The following AHSA1 variants were observed in gnomAD, a reference collection of about 807,000 sequenced individuals.
AHSA1 encodes the protein activator of HSP90 ATPase activity 1.
AHSA1 carries 14 observed loss-of-function variants against 46.1 expected under a neutral mutation model. That is an observed-to-expected ratio of 0.30 (90% confidence interval 0.20 to 0.47). AHSA1 has a LOEUF of 0.47. AHSA1 is among the 20% of genes least tolerant of loss of function. AHSA1 has a pLI of 0.99. For missense variants in AHSA1, 333 were observed against 415.9 expected, an observed-to-expected ratio of 0.80 and a Z score of 1.73; for synonymous variants, 147 against 145.8, an observed-to-expected ratio of 1.01 and a Z score of -0.06.
At chr14:77,468,665 C>T (rs553853405) in intron 8 of AHSA1, 157 bp downstream of exon 8, 9 of 647,874 alleles carry the variant, frequency 1.4e-5, no homozygotes, top group African/African-American at 5.8e-5. Flanking sequence ...CAGACCCAAA[C>T]GATCCTCCTG....
chr14:77,463,487 G>A (rs1285023512), intron 4 of AHSA1, among the ~76,000 whole-genome samples: 2 of 151,330 alleles, frequency 1.3e-5, no homozygotes, highest in Non-Finnish European at 2.9e-5. Flanking sequence ...TCAAGAGGCT[G>A]AGGCAGGAGA....
intron 4 of AHSA1, 155 bp downstream of exon 4, chr14:77,462,914 A>C: frequency 1.6e-6 from 1 of 641,264 alleles, no homozygotes; most frequent in Non-Finnish European, 2.8e-6. Context: ...GCTCGGAGTA[A>C]GGGAAAGATC....
Position 77,462,769 on chromosome 14 carries a change from G to C in AHSA1, c.472+10G>C. 1.9e-6 allele frequency: 3 copies of C among 1,609,388 alleles called. No individual in the cohort carries two copies. Among genetic ancestry groups the C allele is most frequent in the Non-Finnish European group, 2.6e-6 (3 of 1,175,820 alleles). On this transcript the variant is annotated intron_variant, in intron 4 of 8. Coordinates refer to ENST00000216479, the MANE Select transcript of AHSA1 (RefSeq NM_012111.3). ...AGCACCCTCAAAACAGGTATCCCTT[G>C]AGTAGTTCTGTATGCCTTAAGGAGG...
At chr14:77,468,036 A>T (rs1594941397) in intron 6 of AHSA1, 47 bp from the exon 7 acceptor site, 1 of 1,318,132 alleles carries the variant, frequency 7.6e-7, no homozygotes, top group Non-Finnish European at 1.0e-6. Context: ...ACTGAAAGCC[A>T]TGTATCTTCT....
At chr14:77,462,421 CT>C in intron 3 of AHSA1, 179 bp downstream of exon 3, 1 of 719,740 alleles carries the variant, frequency 1.4e-6, no homozygotes, top group Non-Finnish European at 2.3e-6. Flanking sequence ...ATTTGCACTT[CT>C]TTAATTTCTT....
chr14:77,460,028 A>G, intron 2 of AHSA1: 1 of 567,362 alleles, frequency 1.8e-6, no homozygotes, highest in Non-Finnish European at 3.1e-6. Flanking sequence ...CCATCCATGA[A>G]GTGGCCGGGC....
In AHSA1 at chr14:77,465,572, C is replaced by T. The variant is rs147029283; in HGVS notation, c.595C>T (p.Pro199Ser). The part of the protein sequence containing the change: ...KPAPSKTQAR[P>S]VGVKIPTCKI... ...TGCTCCTTCAAAAACCCAGGCCAGA[C>T]CTGTTGGAGTCAAAATCCCCACTTG... The change falls in exon 6 of 9, where the codon CCT becomes TCT. Residue 199 changes from proline (P) to serine (S), a missense_variant. By Grantham distance (74) the Pro-to-Ser change is moderately conservative (BLOSUM62 -1). Transcript: ENST00000216479. 3.0e-5 allele frequency: 49 copies of T among 1,613,950 alleles called. No individual in the cohort carries two copies. Among genetic ancestry groups the T allele is most frequent in the Admixed American group, 5.0e-5 (3 of 60,008 alleles).
intron 2 of AHSA1, among the ~76,000 whole-genome samples, chr14:77,460,925 C>G (rs1322656879): frequency 2.7e-5 from 4 of 149,626 alleles, no homozygotes; most frequent in African/African-American, 9.9e-5. Flanking sequence ...TTTGGGAGGC[C>G]AAGGTGGGCG....
In AHSA1 at chr14:77,469,117, C is replaced by A; in HGVS notation, c.885C>A (p.Asn295Lys). ...ATITLTFIDK[N>K]GETELCMEGR... The stretch of plus-strand genomic sequence containing the variant: ...TCACCTTGACCTTCATCGACAAGAA[C>A]GGAGAGACTGAGCTGTGCATGGAAG... The change falls in exon 9 of 9, where the codon AAC becomes AAA. Residue 295 changes from asparagine (N) to lysine (K), a missense_variant. Physicochemically the swap from Asn to Lys is moderately conservative, Grantham distance 94 (BLOSUM62 0). Coordinates refer to ENST00000216479, the MANE Select transcript of AHSA1 (RefSeq NM_012111.3). The A allele has an allele frequency of 6.2e-7, 1 of 1,614,166 alleles. No homozygotes were observed. Among genetic ancestry groups the A allele is most frequent in the Non-Finnish European group, 8.5e-7 (1 of 1,180,028 alleles).
At chr14:77,464,498 C>T (rs2079039603) in intron 4 of AHSA1, 100 bp from the exon 5 acceptor site, 2 of 1,035,418 alleles carry the variant, frequency 1.9e-6, no homozygotes, top group Non-Finnish European at 2.9e-6. Context: ...GTCATAACCT[C>T]ATTCTGTGGT....
intron 4 of AHSA1, chr14:77,463,248 C>A: frequency 5.7e-6 from 1 of 174,882 alleles, no homozygotes; most frequent in Non-Finnish European, 1.2e-5. Context: ...TGCCACTGCA[C>A]TCCAGCCTGG....
rs61755658 is a variant in AHSA1 at position 77,462,685 on chromosome 14, T to C, written c.398T>C (p.Val133Ala). 6.2e-3 allele frequency: 9,991 copies of C among 1,614,156 alleles called. 35 individuals carry two copies. The highest frequency in any genetic ancestry group is 7.8e-3 in the Non-Finnish European group (9,184 of 1,179,998). ...LAKDEPDTNL[V>A]ALMKEEGVKL... ...AAAGATGAGCCTGACACAAATCTCG[T>C]GGCCTTAATGAAGGAAGAAGGGGTG... The change falls in exon 4 of 9, where the codon GTG becomes GCG. Residue 133 changes from valine (V) to alanine (A), a missense_variant. Physicochemically the swap from Val to Ala is moderately conservative, Grantham distance 64 (BLOSUM62 0). Coordinates refer to ENST00000216479, the MANE Select transcript of AHSA1 (RefSeq NM_012111.3).
At chr14:77,458,967 GC>G (rs2079005166) in intron 1 of AHSA1, among the ~76,000 whole-genome samples, 1 of 152,182 alleles carries the variant, frequency 6.6e-6, no homozygotes, top group Non-Finnish European at 1.5e-5. Flanking sequence ...CTTTGTTGCA[GC>G]CTTTTTTGCT....
intron 8 of AHSA1, 100 bp downstream of exon 8, chr14:77,468,608 G>A (rs759038914): frequency 1.1e-5 from 12 of 1,101,278 alleles, no homozygotes; most frequent in Non-Finnish European, 1.6e-5. Flanking sequence ...TGTCACTCAG[G>A]CTAGAGTGCA....
At chr14:77,460,034 C>T (rs926923841) in intron 2 of AHSA1, 37 of 549,318 alleles carry the variant, frequency 6.7e-5, no homozygotes, top group Admixed American at 3.2e-5. Flanking sequence ...ATGAAGTGGC[C>T]GGGCCACTGC....
Position 77,458,242 on chromosome 14 carries a change from A to G in AHSA1, c.53A>G (p.Asp18Gly). Residue 18 changes from aspartate to glycine, a missense_variant, in exon 1 of 9, where the codon GAC becomes GGC. Asp to Gly is a moderately conservative substitution (Grantham distance 94, BLOSUM62 -1). Transcript: ENST00000216479. ...CGCTGGATCGTGGAGGAGCGGGCGGACGCCACCAACGTCAACAACTGGCAC... is the reference window on the plus strand; with the variant it reads ...CGCTGGATCGTGGAGGAGCGGGCGGGCGCCACCAACGTCAACAACTGGCAC... ...DPRWIVEERA[D>G]ATNVNNWHWT... The G allele has an allele frequency of 6.5e-7, 1 of 1,547,086 alleles. No homozygotes were observed. Among genetic ancestry groups the G allele is most frequent in the Non-Finnish European group, 8.7e-7 (1 of 1,145,550 alleles).
intron 3 of AHSA1, 131 bp from the exon 4 acceptor site, chr14:77,462,511 T>C (rs1053234872): frequency 1.1e-5 from 10 of 874,530 alleles, no homozygotes; most frequent in Non-Finnish European, 1.9e-5. Context: ...CTAATGGGGA[T>C]TGTACGAATA....
In AHSA1 at chr14:77,458,157, T is replaced by C. The variant is rs1233965977; in HGVS notation, c.-33T>C. The C allele has an allele frequency of 1.3e-6, 2 of 1,509,664 alleles. No homozygotes were observed. Among genetic ancestry groups the C allele is most frequent in the East Asian group, 2.7e-5 (1 of 37,458 alleles). 93.5% of individuals were successfully genotyped at this position (1,509,664 alleles called of 1,614,324 possible). On this transcript the variant is annotated 5_prime_UTR_variant, in exon 1 of 9. Coordinates refer to ENST00000216479, the MANE Select transcript of AHSA1 (RefSeq NM_012111.3). Reference sequence around the variant, plus strand: ...GTCCTGAGGCTGTGGCTACGGCTGCTCCGGAGCTGGTGGCGCCGCGATAGG... The same window carrying C: ...GTCCTGAGGCTGTGGCTACGGCTGCCCCGGAGCTGGTGGCGCCGCGATAGG...
Position 77,465,540 on chromosome 14 carries a change from C to G in AHSA1, c.563C>G (p.Ala188Gly). The G allele has an allele frequency of 1.2e-6, 2 of 1,613,750 alleles. No individual in the cohort carries two copies. The highest frequency in any genetic ancestry group is 1.7e-6 in the Non-Finnish European group (2 of 1,179,686). ...QPALKTEERK[A>G]KPAPSKTQAR... ...TCATTTTCACTGCCACCTTCACAGG[C>G]TAAGCCTGCTCCTTCAAAAACCCAG... Residue 188 changes from alanine to glycine, a missense_variant and splice_region_variant, in exon 6 of 9, where the codon GCT (alanine) becomes GGT (glycine). Ala to Gly is a moderately conservative substitution (Grantham distance 60). Transcript: ENST00000216479.
Sources: gnomAD v4.1 joint callset for allele counts (sites outside exome capture counted in the v4.1 genomes callset) on GRCh38, gnomAD v4.1.1 for gene constraint, MANE v1.5 for transcripts, NCBI Gene and HGNC (gene_info 2026-07-23, HGNC 2026-07-21) for gene names.